SDK1: variants seen among roughly 807,000 people sequenced by gnomAD.
SDK1 encodes the protein protein sidekick-1.
SDK1 carries 157 observed loss-of-function variants against 245.5 expected under a neutral mutation model. The ratio of observed to expected loss-of-function variants is 0.64; its 90% CI spans 0.56 to 0.73. The LOEUF (loss-of-function observed/expected upper bound fraction) is 0.73. SDK1 is among the 30% of genes least tolerant of loss of function. The probability of loss-of-function intolerance (pLI) is 0.00; values close to 1 mark genes in which losing one functional copy is unlikely to be tolerated. For synonymous variants in SDK1, 1,647 were observed against 1,278.5 expected, an observed-to-expected ratio of 1.29 and a Z score of -6.15; for missense variants, 3,583 against 3,002.3, an observed-to-expected ratio of 1.19 and a Z score of -4.52.
intron 1 of SDK1, among the ~76,000 whole-genome samples, chr7:3,498,165 T>C (rs1373895672): frequency 1.3e-5 from 2 of 152,228 alleles, no homozygotes; most frequent in African/African-American, 2.4e-5. Context: ...GCCAACTTCT[T>C]TTCTGTGTGG....
Position 3,697,770 on chromosome 7 carries a change from A to G in SDK1, c.713+55665A>G, listed in dbSNP as rs77453260. On this transcript the variant is annotated intron_variant, in intron 4 of 44. Transcript: ENST00000404826. Reference sequence around the variant, plus strand: ...TTGTCACCAGTATTTCTATGTGGTAATGATCCTTGAATCTTATTTTGCTGA... The same window carrying G: ...TTGTCACCAGTATTTCTATGTGGTAGTGATCCTTGAATCTTATTTTGCTGA... 5.7e-4 allele frequency among the ~76,000 whole-genome samples: 87 copies of G among 152,274 alleles called. 1 individual carries two copies. Among genetic ancestry groups the G allele is most frequent in the African/African-American group, 1.9e-3 (77 of 41,552 alleles).
chr7:3,716,821 T>C (rs1170371397), intron 4 of SDK1, among the ~76,000 whole-genome samples: 2 of 148,804 alleles, frequency 1.3e-5, no homozygotes, highest in East Asian at 1.9e-4. Flanking sequence ...AATCAGATAA[T>C]GTGTTGCTAT....
chr7:3,870,050 A>G (rs900009152), intron 5 of SDK1, among the ~76,000 whole-genome samples: 1 of 152,256 alleles, frequency 6.6e-6, no homozygotes, highest in African/African-American at 2.4e-5. Flanking sequence ...CTGTCATTGC[A>G]TCATTAAAAG....
intron 1 of SDK1, among the ~76,000 whole-genome samples, chr7:3,448,013 T>A (rs1780396982): frequency 6.6e-6 from 1 of 152,136 alleles, no homozygotes; most frequent in South Asian, 2.1e-4. Context: ...CTATATATCT[T>A]TATTCTTACA....
intron 4 of SDK1, among the ~76,000 whole-genome samples, chr7:3,685,753 A>G (rs980611092): frequency 3.9e-5 from 6 of 152,176 alleles, no homozygotes; most frequent in Non-Finnish European, 5.9e-5. Context: ...TATAACCACT[A>G]AGAAAACTAT....
intron 1 of SDK1, among the ~76,000 whole-genome samples, chr7:3,499,178 G>T (rs550864349): frequency 1.3e-5 from 2 of 152,194 alleles, no homozygotes; most frequent in South Asian, 4.2e-4. Flanking sequence ...GAAATTTTAC[G>T]CATTTCAGCA....
At chr7:3,911,870 G>T (rs1363034175) in intron 5 of SDK1, among the ~76,000 whole-genome samples, 1 of 152,260 alleles carries the variant, frequency 6.6e-6, no homozygotes, top group Admixed American at 6.5e-5. Context: ...AGTGCAGGGT[G>T]CAAATATGTG....
In SDK1 at chr7:4,149,244, G is replaced by C. The variant is rs1019869549; in HGVS notation, c.4424-18G>C. 2 of 1,502,210 alleles carry C rather than the reference G, an allele frequency of 1.3e-6. No individual in the cohort carries two copies. The highest frequency in any genetic ancestry group is 2.8e-5 in the African/African-American group (2 of 70,632). The allele number at this position is 1,502,210 out of a possible 1,614,324, so 93.1% of individuals were successfully genotyped here. A position where few individuals can be genotyped will look rare whatever the true frequency, so the allele number is the denominator to read the frequency against. ...GCAGCCTCTCACATGTCCCTGGTCTGTCCTCATTTGGTTGCAGAGCGGCCG... is the reference window on the plus strand; with the variant it reads ...GCAGCCTCTCACATGTCCCTGGTCTCTCCTCATTTGGTTGCAGAGCGGCCG... On this transcript the variant is annotated intron_variant, in intron 29 of 44. Transcript: ENST00000404826.
chr7:3,918,320 C>T (rs1158613705), intron 5 of SDK1, among the ~76,000 whole-genome samples: 1 of 152,228 alleles, frequency 6.6e-6, no homozygotes, highest in Non-Finnish European at 1.5e-5. Context: ...TGTGTATTTA[C>T]AGCTGCTCCC....
intron 5 of SDK1, among the ~76,000 whole-genome samples, chr7:3,902,165 C>A (rs911679734): frequency 1.3e-5 from 2 of 152,104 alleles, no homozygotes; most frequent in Non-Finnish European, 2.9e-5. Flanking sequence ...TGTTCTTACT[C>A]CCAGACTCTT....
chr7:3,550,214 T>C (rs1405082782), intron 1 of SDK1, among the ~76,000 whole-genome samples: 1 of 152,208 alleles, frequency 6.6e-6, no homozygotes, highest in Non-Finnish European at 1.5e-5. Flanking sequence ...TAGCACCAAT[T>C]ATAAAGGATT....
intron 2 of SDK1, among the ~76,000 whole-genome samples, chr7:3,629,673 C>T (rs958335436): frequency 3.9e-5 from 6 of 152,180 alleles, no homozygotes; most frequent in Admixed American, 6.5e-5. Flanking sequence ...AACTGTTGCT[C>T]AATATCTTCA....
chr7:3,484,032 C>G (rs1419024019), intron 1 of SDK1, among the ~76,000 whole-genome samples: 1 of 152,160 alleles, frequency 6.6e-6, no homozygotes, highest in Admixed American at 6.5e-5. Context: ...TCTGTCACCT[C>G]AAACATTTAT....
intron 1 of SDK1, among the ~76,000 whole-genome samples, chr7:3,545,075 G>T (rs1779174281): frequency 6.6e-6 from 1 of 152,162 alleles, no homozygotes; most frequent in African/African-American, 2.4e-5. Flanking sequence ...AGGAGAGCTG[G>T]TGCTATGTGG....
chr7:3,308,884 G>GA (rs1221758269), intron 1 of SDK1, among the ~76,000 whole-genome samples: 1 of 151,986 alleles, frequency 6.6e-6, no homozygotes, highest in African/African-American at 2.4e-5. Flanking sequence ...TTTCCAATGA[G>GA]AAAAAAATAG....
chr7:4,234,234 C>T (rs1437439843), intron 41 of SDK1, among the ~76,000 whole-genome samples: 4 of 152,148 alleles, frequency 2.6e-5, no homozygotes, highest in Non-Finnish European at 4.4e-5. Context: ...AAGGTACTGC[C>T]GATCCCAGGC....
intron 5 of SDK1, among the ~76,000 whole-genome samples, chr7:3,945,384 T>G (rs1049915312): frequency 2.6e-5 from 4 of 152,040 alleles, no homozygotes; most frequent in African/African-American, 9.7e-5. Flanking sequence ...GCCCTTCCTG[T>G]AAAAGGTATA....
chr7:3,374,960 C>T (rs1463787918), intron 1 of SDK1, among the ~76,000 whole-genome samples: 1 of 152,136 alleles, frequency 6.6e-6, no homozygotes, highest in Non-Finnish European at 1.5e-5. Context: ...AGTTCACTAT[C>T]GTATATCTAA....
intron 28 of SDK1, among the ~76,000 whole-genome samples, chr7:4,141,820 G>A: frequency 6.6e-6 from 1 of 152,174 alleles, no homozygotes; most frequent in South Asian, 2.1e-4. Context: ...GCAGTGGCGT[G>A]ATCTTGGCTC....
Sources: allele counts gnomAD v4.1 joint callset (sites outside exome capture counted in the v4.1 genomes callset), GRCh38; gene constraint gnomAD v4.1.1; transcripts MANE v1.5; gene names NCBI Gene and HGNC (gene_info 2026-07-23, HGNC 2026-07-21).